WIZ: variants seen among roughly 807,000 people sequenced by gnomAD.
WIZ encodes WIZ zinc finger.
In WIZ, 25 loss-of-function variants were observed where a neutral mutation model predicts 140.2. The observed-to-expected ratio is 0.18, with a 90% CI of 0.13 to 0.25. WIZ has a LOEUF of 0.25. WIZ is among the 10% of genes least tolerant of loss of function. The pLI is 1.00. For missense variants in WIZ, 2,231 were observed against 2,632.6 expected (o/e 0.85, Z 3.34); for synonymous variants, 1,125 against 1,154.3 (o/e 0.97, Z 0.51).
rs1238128561 is a variant in WIZ, at chr19:15,439,164, C to A, written c.1830G>T (p.Arg610Ser). The A allele has an allele frequency of 1.3e-6, 2 of 1,532,190 alleles. No homozygotes were observed. The highest frequency in any genetic ancestry group is 1.7e-6 in the Non-Finnish European group (2 of 1,144,462). The allele number at this position is 1,532,190 out of a possible 1,614,324, so 94.9% of individuals were successfully genotyped here. ...TVHPQGLGER[R>S]RPWSEEEEEE... The stretch of plus-strand genomic sequence containing the variant: ...CCTCCTCCTCTTCGCTCCAAGGGCG[C>A]CTCCGTTCCCCCAGCCCTTGTGGGT... Residue 610 changes from arginine (R) to serine (S), a missense_variant, in exon 4 of 13, where the codon AGG becomes AGT. Transcript: ENST00000673675. This position sits in a 1 kb window ranked among gnomAD's most constrained non-coding sequence, Gnocchi z 7.0.
In WIZ at chr19:15,424,147, C is replaced by G; in HGVS notation, c.5510+36G>C. 6 of 1,459,200 alleles carry G rather than the reference C, an allele frequency of 4.1e-6. No homozygotes were observed. The highest frequency in any genetic ancestry group is 5.4e-6 in the Non-Finnish European group (6 of 1,104,748). The allele number at this position is 1,459,200 out of a possible 1,614,324, so 90.4% of individuals were successfully genotyped here. ...AGGCTCCGGGTGACCAAGGTCCACT[C>G]AGGTGGTCTCCCTCCCTCCCCCAGG... On this transcript the variant is annotated intron_variant, in intron 12 of 12. Coordinates refer to ENST00000673675, the MANE Select transcript of WIZ (RefSeq NM_001371589.1). This position sits in a 1 kb window ranked among gnomAD's most constrained non-coding sequence, Gnocchi z 9.7.
chr19:15,428,450 C>G lies in WIZ; in HGVS notation c.3474G>C (p.Glu1158Asp), dbSNP rs1031534568. 1.3e-6 allele frequency: 2 copies of G among 1,535,650 alleles called. No homozygotes were observed. The highest frequency in any genetic ancestry group is 4.9e-5 in the East Asian group (2 of 40,900). The change falls in exon 8 of 13, where the codon GAG becomes GAC. Residue 1158 changes from glutamate (E) to aspartate (D), a missense_variant. By Grantham distance (45) the Glu-to-Asp change is conservative. Around this residue, in one of 15 missense-constraint regions of WIZ, gnomAD observed 39 missense variants for 74.9 expected, o/e 0.52. Coordinates refer to ENST00000673675, the MANE Select transcript of WIZ (RefSeq NM_001371589.1). The surrounding 1 kb of genome is among the most constrained non-coding windows in gnomAD (Gnocchi z 6.4). ...CGTGGCTAGACAGGCCCTTGCGGGT[C>G]TCAAACCAGGCACCGCACAGCTGGC... ...LDCQLCGAWF[E>D]TRKGLSSHAR...
At chr19:15,429,489 C>CCCCCCCCCCGGG in intron 7 of WIZ, 97 bp downstream of exon 7, 1 of 882,438 alleles carries the variant, frequency 1.1e-6, no homozygotes, top group Non-Finnish European at 1.5e-6. Flanking sequence ...CCACCGCCCC[C>CCCCCCCCCCGGG]ACCCACCCTG....
rs538798854 is a variant in WIZ, at chr19:15,432,357, G to A, written c.2741-1175C>T. 5 of 846,586 alleles carry A rather than the reference G, an allele frequency of 5.9e-6. No individual in the cohort carries two copies. The African/African-American group carries it at 9.2e-5, about 16-fold the overall frequency. The allele number at this position is 846,586 out of a possible 1,614,324, so 52.4% of individuals were successfully genotyped here. A position where few individuals can be genotyped will look rare whatever the true frequency, so the allele number is the denominator to read the frequency against. Reference sequence around the variant, plus strand: ...GGGGGGTCCCGCAGACTGGACGGAAGGCGTCGGGGGCGGCGGCACCGGCAG... The same window carrying A: ...GGGGGGTCCCGCAGACTGGACGGAAAGCGTCGGGGGCGGCGGCACCGGCAG... On this transcript the variant is annotated intron_variant, in intron 5 of 12. Coordinates refer to ENST00000673675, the MANE Select transcript of WIZ (RefSeq NM_001371589.1).
In WIZ at chr19:15,427,529, T is replaced by C. The variant is rs1173608355; in HGVS notation, c.3819A>G (p.Ser1273=). ...DVEPSPLNLS[S]GPEPARDIRC... ...GGATGTCTCGTGCTGGCTCTGGGCC[T>C]GAGGCTGCAGCAGGAGGAGAAAGGG... The change falls in exon 9 of 13, where the codon TCA becomes TCG. Residue 1273 remains serine (S), a synonymous_variant. Transcript: ENST00000673675. This position sits in a 1 kb window ranked among gnomAD's most constrained non-coding sequence, Gnocchi z 6.4. 2 of 1,604,328 alleles carry C rather than the reference T, an allele frequency of 1.2e-6. No homozygotes were observed. The highest frequency in any genetic ancestry group is 1.7e-6 in the Non-Finnish European group (2 of 1,173,428).
At chr19:15,425,847 GA>G (rs1274382120) in intron 9 of WIZ, 79 bp from the exon 10 acceptor site, 6 of 23,640 alleles carry the variant, frequency 2.5e-4, no homozygotes, top group African/African-American at 5.4e-4. Context: ...GGAGGAGGAG[GA>G]GGGAGGAGGG....
chr19:15,434,413 A>C (rs1969438840), intron 5 of WIZ, among the ~76,000 whole-genome samples: 2 of 151,170 alleles, frequency 1.3e-5, no homozygotes, highest in South Asian at 4.2e-4. Flanking sequence ...AAATACAAAA[A>C]TTAGCCGGGC....
chr19:15,439,992 C>A lies in WIZ; in HGVS notation c.1002G>T (p.Met334Ile). ...FKQKEHLLEHMSQHRRAPGQE... is the reference protein window; with the variant it reads ...FKQKEHLLEHISQHRRAPGQE... ...GGCCCGGGGCTCGGCGGTGCTGGCT[C>A]ATGTGCTCCAGGAGGTGCTCCTTCT... The change falls in exon 4 of 13, where the codon ATG (methionine) becomes ATT (isoleucine). Residue 334 changes from methionine to isoleucine, a missense_variant. Physicochemically the swap from Met to Ile is conservative, Grantham distance 10. Transcript: ENST00000673675. The surrounding 1 kb of genome is among the most constrained non-coding windows in gnomAD (Gnocchi z 7.0). 1 of 1,535,836 alleles carries A rather than the reference C, an allele frequency of 6.5e-7. No homozygotes were observed. Among genetic ancestry groups the A allele is most frequent in the Non-Finnish European group, 8.7e-7 (1 of 1,146,784 alleles).
At chr19:15,446,025 G>A (rs1166475311) in intron 2 of WIZ, among the ~76,000 whole-genome samples, 3 of 152,150 alleles carry the variant, frequency 2.0e-5, no homozygotes, top group Non-Finnish European at 2.9e-5. Flanking sequence ...TGGGAGAGAC[G>A]TGGTGTCCCA....
intron 7 of WIZ, 127 bp downstream of exon 7, chr19:15,429,459 G>A (rs1035928053): frequency 4.5e-6 from 5 of 1,100,320 alleles, no homozygotes; most frequent in East Asian, 6.3e-5. Flanking sequence ...GGCTGGCCCA[G>A]GACATGGGAG....
In WIZ at chr19:15,440,820, T is replaced by G; in HGVS notation, c.279-105A>C. On this transcript the variant is annotated intron_variant, in intron 3 of 12. Coordinates refer to ENST00000673675, the MANE Select transcript of WIZ (RefSeq NM_001371589.1). This position sits in a 1 kb window ranked among gnomAD's most constrained non-coding sequence, Gnocchi z 6.2. The stretch of plus-strand genomic sequence containing the variant: ...GGCCGTTTGAAGCAGGCCCCGGAGA[T>G]CCAGCCCGAGGGTGACAGGGGTGTG... 3.4e-5 allele frequency: 30 copies of G among 882,852 alleles called. No homozygotes were observed. Among genetic ancestry groups the G allele is most frequent in the Non-Finnish European group, 3.9e-5 (25 of 645,888 alleles). The allele number at this position is 882,852 out of a possible 1,614,324, so 54.7% of individuals were successfully genotyped here. A position where few individuals can be genotyped will look rare whatever the true frequency, so the allele number is the denominator to read the frequency against.
At position 15,427,056 on chromosome 19, in the gene WIZ, GC is replaced by G; in HGVS notation, c.4291del (p.Ala1431ProfsTer20). The part of the protein sequence containing the change: ...VEIKREMLPG[A>X]LHGELHPSEG... ...AGATGGGTGCAGTTCCCCATGAAGG[GC>G]CCCCGGCAGCATCTCCCGCTTGATC... On this transcript the variant is annotated frameshift_variant, in exon 9 of 13. Coordinates refer to ENST00000673675, the MANE Select transcript of WIZ (RefSeq NM_001371589.1). LOFTEE classifies it high-confidence loss of function. The surrounding 1 kb of genome is among the most constrained non-coding windows in gnomAD (Gnocchi z 6.4). The G allele has an allele frequency of 6.2e-7, 1 of 1,614,130 alleles. No individual in the cohort carries two copies. Among genetic ancestry groups the G allele is most frequent in the Non-Finnish European group, 8.5e-7 (1 of 1,180,004 alleles).
In WIZ at chr19:15,438,930, C is replaced by T. The variant is rs1459522869; in HGVS notation, c.2064G>A (p.Ala688=). ...CCGCCATGACCTGCGGCCCCAGCTTCGCCACGAGCACAATGGGTACCATCC... is the reference window on the plus strand; with the variant it reads ...CCGCCATGACCTGCGGCCCCAGCTTTGCCACGAGCACAATGGGTACCATCC... ...LRGMVPIVLV[A]KLGPQVMAAA... The change falls in exon 4 of 13, where the codon GCG becomes GCA. Residue 688 remains alanine (A), a synonymous_variant. Transcript: ENST00000673675. 2.8e-6 allele frequency: 4 copies of T among 1,445,534 alleles called. No individual in the cohort carries two copies. Among genetic ancestry groups the T allele is most frequent in the Admixed American group, 2.7e-5 (1 of 37,336 alleles). 89.5% of individuals were successfully genotyped at this position (1,445,534 alleles called of 1,614,324 possible). A position where few individuals can be genotyped will look rare whatever the true frequency, so the allele number is the denominator to read the frequency against.
In WIZ at chr19:15,425,396, G is replaced by T; in HGVS notation, c.4739C>A (p.Ala1580Asp). ...RELSLTPITG[A>D]KPSATGYLGS... The stretch of plus-strand genomic sequence containing the variant: ...CAGGTAGCCAGTGGCTGAGGGCTTG[G>T]CCCCAGTGATGGGCGTCAGGCTGAG... The change falls in exon 10 of 13, where the codon GCC becomes GAC. Residue 1580 changes from alanine (A) to aspartate (D), a missense_variant. Ala to Asp is a moderately radical substitution (Grantham distance 126). Coordinates refer to ENST00000673675, the MANE Select transcript of WIZ (RefSeq NM_001371589.1). 2 of 1,557,350 alleles carry T rather than the reference G, an allele frequency of 1.3e-6. No individual in the cohort carries two copies. The highest frequency in any genetic ancestry group is 2.4e-5 in the East Asian group (1 of 41,368).
rs938444811 is a variant in WIZ, at chr19:15,428,963, C to A, written c.3416-455G>T. ...GGCAGGGGGTGAGACCCTGGGGTCA[C>A]CCCCAGACTCTAATGTCCACAAAGA... On this transcript the variant is annotated intron_variant, in intron 7 of 12. Coordinates refer to ENST00000673675, the MANE Select transcript of WIZ (RefSeq NM_001371589.1). The surrounding 1 kb of genome is among the most constrained non-coding windows in gnomAD (Gnocchi z 6.4). Among the ~76,000 whole-genome samples the A allele has an allele frequency of 6.6e-6, 1 of 151,928 alleles. No homozygotes were observed. Among genetic ancestry groups the A allele is most frequent in the Admixed American group, 6.5e-5 (1 of 15,280 alleles).
Position 15,424,574 on chromosome 19 carries a change from G to A in WIZ, c.5314+39C>T. 2 of 1,550,944 alleles carry A rather than the reference G, an allele frequency of 1.3e-6. No individual in the cohort carries two copies. Among genetic ancestry groups the A allele is most frequent in the Non-Finnish European group, 1.7e-6 (2 of 1,155,880 alleles). On this transcript the variant is annotated intron_variant, in intron 11 of 12. Coordinates refer to ENST00000673675, the MANE Select transcript of WIZ (RefSeq NM_001371589.1). The surrounding 1 kb of genome is among the most constrained non-coding windows in gnomAD (Gnocchi z 9.7). ...GAGTGGCTGGGTGGGCCTGACAGGT[G>A]CCCGCTGCGCTCCCGACCCTCCTCC...
At position 15,421,665 on chromosome 19, in the gene WIZ, GA is replaced by G. The variant is rs1968378250; in HGVS notation, c.*1410del. ...GGTCAGGGGTGCATGTGTCTCACTA[GA>G]AGTCACATGTATTAAAAGCAGGTGA... is the stretch of plus-strand genomic sequence containing the variant. On this transcript the variant is annotated 3_prime_UTR_variant, in exon 13 of 13. Transcript: ENST00000673675. 6.6e-6 allele frequency: 1 copy of G among 152,172 alleles called. No homozygotes were observed. The highest frequency in any genetic ancestry group is 2.4e-5 in the African/African-American group (1 of 41,450). 9.4% of individuals were successfully genotyped at this position (152,172 alleles called of 1,614,324 possible).
At position 15,426,996 on chromosome 19, in the gene WIZ, G is replaced by A. The variant is rs777467525; in HGVS notation, c.4352C>T (p.Thr1451Ile). 1.2e-6 allele frequency: 2 copies of A among 1,612,858 alleles called. No individual in the cohort carries two copies. Among genetic ancestry groups the A allele is most frequent in the African/African-American group, 1.3e-5 (1 of 75,040 alleles). ...GTCACACTTACACAGGTTCAGGGGT[G>A]TCATGTCTTCCCGTGGTGCCCCCCA... ...GPWGAPREDM[T>I]PLNLSSRAEP... is the part of the protein sequence containing the mutation. The change falls in exon 9 of 13, where the codon ACA becomes ATA. Residue 1451 changes from threonine to isoleucine, a missense_variant. By Grantham distance (89) the Thr-to-Ile change is moderately conservative. Around this residue, in one of 15 missense-constraint regions of WIZ, gnomAD observed 393 missense variants for 451.7 expected, o/e 0.87. Transcript: ENST00000673675.
chr19:15,431,198 A>G lies in WIZ; in HGVS notation c.2741-16T>C. 1 of 1,505,560 alleles carries G rather than the reference A, an allele frequency of 6.6e-7. No homozygotes were observed. 93.3% of individuals were successfully genotyped at this position (1,505,560 alleles called of 1,614,324 possible). ...GAACCCAGGCCTGTGGGTTGGGGAG[A>G]CAGGCTCAGCCCAGACAAATTTCAG... is the stretch of plus-strand genomic sequence containing the variant. On this transcript the variant is annotated splice_polypyrimidine_tract_variant and intron_variant, in intron 5 of 12. Coordinates refer to ENST00000673675, the MANE Select transcript of WIZ (RefSeq NM_001371589.1).
Sources: gnomAD v4.1 joint callset for allele counts (sites outside exome capture counted in the v4.1 genomes callset) on GRCh38, gnomAD v4.1.1 for gene constraint, gnomAD v4.1.1 regional missense constraint, Gnocchi (gnomAD v3.1) non-coding constraint, MANE v1.5 for transcripts, NCBI Gene and HGNC (gene_info 2026-07-23, HGNC 2026-07-21) for gene names.